Variants in MGAT4C observed in about 807,000 individuals in gnomAD.
The protein encoded by MGAT4C is MGAT4 family member C.
A neutral mutation model predicts 40.1 loss-of-function variants in MGAT4C; 19 were observed. That is an observed-to-expected ratio of 0.47 (90% confidence interval 0.33 to 0.70). The LOEUF is 0.70. Among genes scored for constraint, MGAT4C ranks in the 30% least tolerant of loss-of-function variants. The pLI, the probability that MGAT4C is intolerant of heterozygous loss-of-function variation, is 0.02. For synonymous variants in MGAT4C, 181 were observed against 187.1 expected (o/e 0.97, Z 0.27); for missense variants, 491 against 563.2 (o/e 0.87, Z 1.30).
chr12:86,166,605 G>C (rs920473229), intron 1 of MGAT4C, among the ~76,000 whole-genome samples: 1 of 152,186 alleles, frequency 6.6e-6, no homozygotes, highest in African/African-American at 2.4e-5. Context: ...CCAGGAGTCA[G>C]AGGTTGCAGT....
chr12:86,092,175 A>T (rs902876795), intron 1 of MGAT4C, among the ~76,000 whole-genome samples: 1 of 152,138 alleles, frequency 6.6e-6, no homozygotes, highest in Non-Finnish European at 1.5e-5. Flanking sequence ...CCTCATGCTC[A>T]AACAGAAATT....
intron 1 of MGAT4C, among the ~76,000 whole-genome samples, chr12:86,083,083 T>C (rs985251757): frequency 1.3e-5 from 2 of 152,130 alleles, no homozygotes; most frequent in African/African-American, 4.8e-5. Flanking sequence ...TGTCATTACC[T>C]ACCTGTCATC....
chr12:86,166,342 A>AAAC (rs993529916), intron 1 of MGAT4C, among the ~76,000 whole-genome samples: 3 of 152,190 alleles, frequency 2.0e-5, no homozygotes, highest in South Asian at 2.1e-4. Flanking sequence ...ACAAACAAAC[A>AAAC]AACAACAACA....
intron 3 of MGAT4C, among the ~76,000 whole-genome samples, chr12:86,394,933 G>C (rs1478034068): frequency 6.6e-6 from 1 of 151,392 alleles, no homozygotes. Context: ...GTTTTTTTGA[G>C]GAATATTACA....
chr12:86,401,462 T>C (rs979194704), intron 3 of MGAT4C, among the ~76,000 whole-genome samples: 3 of 152,148 alleles, frequency 2.0e-5, no homozygotes, highest in Non-Finnish European at 2.9e-5. Flanking sequence ...CCATGTCACA[T>C]AGCTTGAAAG....
At chr12:86,793,768 A>G (rs1952066858) in intron 1 of MGAT4C, among the ~76,000 whole-genome samples, 2 of 152,044 alleles carry the variant, frequency 1.3e-5, no homozygotes, top group South Asian at 4.1e-4. Flanking sequence ...TTAAATTGTG[A>G]ACAATAAATG....
Position 85,972,662 on chromosome 12 carries a change from T to A in MGAT4C, c.*6627A>T, listed in dbSNP as rs915981556. 6.6e-6 allele frequency: 1 copy of A among 150,942 alleles called. No individual in the cohort carries two copies. Among genetic ancestry groups the A allele is most frequent in the African/African-American group, 2.4e-5 (1 of 41,312 alleles). 9.4% of individuals were successfully genotyped at this position (150,942 alleles called of 1,614,324 possible). On this transcript the variant is annotated 3_prime_UTR_variant, in exon 5 of 5. Transcript: ENST00000611864. ...AAATGCACAGTTGTAAGAATGCAAG[T>A]GTTACTTGTATTGAAAACCGGATTA...
intron 1 of MGAT4C, among the ~76,000 whole-genome samples, chr12:86,138,338 T>C (rs1170372116): frequency 6.6e-6 from 1 of 151,452 alleles, no homozygotes; most frequent in African/African-American, 2.4e-5. Flanking sequence ...CCTAGACTTT[T>C]CTTCTCAGGG....
chr12:86,639,428 A>G (rs1186933623), intron 2 of MGAT4C, among the ~76,000 whole-genome samples: 1 of 151,748 alleles, frequency 6.6e-6, no homozygotes, highest in Admixed American at 6.6e-5. Context: ...CATAAAAAAT[A>G]TATATTTTGC....
chr12:86,774,816 T>C (rs1194394075), intron 1 of MGAT4C, among the ~76,000 whole-genome samples: 1 of 152,132 alleles, frequency 6.6e-6, no homozygotes, highest in Non-Finnish European at 1.5e-5. Flanking sequence ...ACTAATTTAA[T>C]GATTGAAAAT....
chr12:86,078,550 A>G (rs1421183645), intron 1 of MGAT4C, among the ~76,000 whole-genome samples: 1 of 152,202 alleles, frequency 6.6e-6, no homozygotes, highest in African/African-American at 2.4e-5. Flanking sequence ...GAGGTCCAAT[A>G]TAATTAACCT....
chr12:86,172,007 C>T (rs184045093), intron 1 of MGAT4C, among the ~76,000 whole-genome samples: 60 of 152,256 alleles, frequency 3.9e-4, no homozygotes, highest in Admixed American at 2.6e-3. Context: ...CAGCTCTCTG[C>T]CTGTGGTGAG....
At chr12:86,240,552 A>G (rs1023967648) in intron 1 of MGAT4C, among the ~76,000 whole-genome samples, 3 of 152,128 alleles carry the variant, frequency 2.0e-5, no homozygotes, top group South Asian at 4.1e-4. Flanking sequence ...AATGAGGAAC[A>G]TTCATCTACT....
chr12:86,800,274 C>T (rs1952201573), intron 1 of MGAT4C, among the ~76,000 whole-genome samples: 1 of 151,854 alleles, frequency 6.6e-6, no homozygotes, highest in Non-Finnish European at 1.5e-5. Context: ...CCTCATGAAA[C>T]CAGGTTCCAC....
At chr12:86,588,933 G>T (rs1961193950) in intron 2 of MGAT4C, among the ~76,000 whole-genome samples, 1 of 151,242 alleles carries the variant, frequency 6.6e-6, no homozygotes, top group African/African-American at 2.4e-5. Flanking sequence ...AGCACTAAAT[G>T]CCCACAAGAG....
At chr12:86,380,877 A>T (rs1448036038) in intron 3 of MGAT4C, among the ~76,000 whole-genome samples, 1 of 152,228 alleles carries the variant, frequency 6.6e-6, no homozygotes, top group East Asian at 1.9e-4. Flanking sequence ...TTCAGGAAAA[A>T]ATAATTTTAA....
intron 3 of MGAT4C, among the ~76,000 whole-genome samples, chr12:86,410,015 G>A (rs764429706): frequency 2.6e-5 from 4 of 152,134 alleles, no homozygotes; most frequent in Non-Finnish European, 4.4e-5. Flanking sequence ...CGGAGGGGGT[G>A]TACGAACAGG....
chr12:86,820,311 C>T (rs1952683449), intron 1 of MGAT4C, among the ~76,000 whole-genome samples: 2 of 150,378 alleles, frequency 1.3e-5, no homozygotes, highest in South Asian at 2.1e-4. Context: ...GTGGGAAGAC[C>T]CCATTTATAA....
chr12:86,210,001 T>C (rs1233057084), intron 1 of MGAT4C, among the ~76,000 whole-genome samples: 1 of 152,190 alleles, frequency 6.6e-6, no homozygotes, highest in Non-Finnish European at 1.5e-5. Context: ...TATGTTTCCA[T>C]TATTCTCTCA....
Sources: allele counts gnomAD v4.1 joint callset (sites outside exome capture counted in the v4.1 genomes callset), GRCh38; gene constraint gnomAD v4.1.1; transcripts MANE v1.5; gene names NCBI Gene and HGNC (gene_info 2026-07-23, HGNC 2026-07-21).